FRAS1: variants seen among roughly 807,000 people sequenced by gnomAD.
FRAS1 encodes the protein extracellular matrix organizing protein FRAS1.
Under a neutral mutation model 435.2 loss-of-function variants are expected in FRAS1, and 290 were observed. The observed-to-expected ratio is 0.67, with a 90% CI of 0.61 to 0.73. FRAS1 has a LOEUF of 0.73. Among genes scored for constraint, FRAS1 ranks in the 30% least tolerant of loss-of-function variants. The pLI is 0.00. For synonymous variants in FRAS1, 1,800 were observed against 1,851.0 expected (o/e 0.97, Z 0.71); for missense variants, 4,860 against 5,001.5 (o/e 0.97, Z 0.85).
At position 78,111,752 on chromosome 4, in the gene FRAS1, T is replaced by TA. The variant is rs564909222; in HGVS notation, c.108+45758dup. Among the ~76,000 whole-genome samples the TA allele has an allele frequency of 2.4e-3, 254 of 105,052 alleles. 1 individual carries two copies. The highest frequency in any genetic ancestry group is 5.9e-3 in the African/African-American group (164 of 28,008). 68.9% of individuals were successfully genotyped at this position (105,052 alleles called of 152,430 possible). A position where few individuals can be genotyped will look rare whatever the true frequency, so the allele number is the denominator to read the frequency against. On this transcript the variant is annotated intron_variant, in intron 2 of 73. Transcript: ENST00000512123. ...ATGTACCCTAAAACTTAGAGTATAATAAAAAAAAAAAAAAAAAAAAAAGAT... is the reference window on the plus strand; with the variant it reads ...ATGTACCCTAAAACTTAGAGTATAATAAAAAAAAAAAAAAAAAAAAAAAGAT...
At chr4:78,434,931 A>G (rs755469233) in intron 38 of FRAS1, among the ~76,000 whole-genome samples, 2 of 152,242 alleles carry the variant, frequency 1.3e-5, no homozygotes, top group Non-Finnish European at 2.9e-5. Flanking sequence ...GAGTAGGAAC[A>G]TTTAGTATTG....
intron 43 of FRAS1, 38 bp downstream of exon 43, chr4:78,446,918 G>A: frequency 6.4e-7 from 1 of 1,567,020 alleles, no homozygotes; most frequent in South Asian, 1.2e-5. Context: ...TCTTAATTGA[G>A]ATGCCCGATG....
intron 56 of FRAS1, among the ~76,000 whole-genome samples, chr4:78,481,493 A>G (rs371043702): frequency 3.3e-5 from 5 of 152,268 alleles, no homozygotes; most frequent in African/African-American, 1.2e-4. Context: ...CCTTAAGTGC[A>G]TTGTTCTCCT....
intron 62 of FRAS1, among the ~76,000 whole-genome samples, chr4:78,508,349 T>TA (rs2109881865): frequency 6.6e-6 from 1 of 152,360 alleles, no homozygotes; most frequent in Admixed American, 6.5e-5. Flanking sequence ...TATTTACTCT[T>TA]ATTTTGCCAA....
chr4:78,208,911 T>G (rs1162859347), intron 2 of FRAS1, among the ~76,000 whole-genome samples: 1 of 151,818 alleles, frequency 6.6e-6, no homozygotes, highest in African/African-American at 2.4e-5. Flanking sequence ...CCAAGGTGAG[T>G]GGATCACTTG....
rs535298425 is a variant in FRAS1, at chr4:78,434,461, T to C, written c.5217+1857T>C. On this transcript the variant is annotated intron_variant, in intron 38 of 73. Coordinates refer to ENST00000512123, the MANE Select transcript of FRAS1 (RefSeq NM_025074.7). ...GGCCTCGGTTTTCCCATATGTAATA[T>C]GGGAAGGATAAAATTAATCTTAAAA... Among the ~76,000 whole-genome samples the C allele has an allele frequency of 1.2e-4, 19 of 152,246 alleles. No homozygotes were observed. The South Asian group carries it at 3.5e-3, about 28-fold the overall frequency.
At chr4:78,408,565 C>G (rs1447378515) in intron 31 of FRAS1, among the ~76,000 whole-genome samples, 1 of 152,134 alleles carries the variant, frequency 6.6e-6, no homozygotes, top group Non-Finnish European at 1.5e-5. Flanking sequence ...GGGCCTATAG[C>G]CAAACTCAAC....
chr4:78,281,928 G>C (rs988542190), intron 11 of FRAS1, among the ~76,000 whole-genome samples: 2 of 152,192 alleles, frequency 1.3e-5, no homozygotes, highest in African/African-American at 4.8e-5. Context: ...TAAGGGGTCT[G>C]ATCTCAAGAC....
Position 78,255,331 on chromosome 4 carries a change from G to A in FRAS1, c.559G>A (p.Ala187Thr). The A allele has an allele frequency of 2.5e-6, 4 of 1,582,410 alleles. No homozygotes were observed. Among genetic ancestry groups the A allele is most frequent in the Non-Finnish European group, 3.4e-6 (4 of 1,163,490 alleles). Residue 187 changes from alanine (A) to threonine (T), a missense_variant, in exon 6 of 74, where the codon GCC becomes ACC. Coordinates refer to ENST00000512123, the MANE Select transcript of FRAS1 (RefSeq NM_025074.7). Reference sequence around the variant, plus strand: ...CAAATGTCTGTGTAGAAATGGGGTTGCCCAGTGCTTCACAGCTCAGTGTCA... The same window carrying A: ...CAAATGTCTGTGTAGAAATGGGGTTACCCAGTGCTTCACAGCTCAGTGTCA... ...CAKCLCRNGV[A>T]QCFTAQCQPL...
chr4:78,192,065 T>C (rs190308824), intron 2 of FRAS1, among the ~76,000 whole-genome samples: 40 of 152,300 alleles, frequency 2.6e-4, no homozygotes, highest in African/African-American at 9.6e-4. Flanking sequence ...TTGGTTCTGT[T>C]TATATGCTGG....
At chr4:78,266,811 T>C in intron 7 of FRAS1, 23 bp from the exon 8 acceptor site, 11 of 1,554,242 alleles carry the variant, frequency 7.1e-6, no homozygotes, top group Non-Finnish European at 9.6e-6. Context: ...TTTTCCATGT[T>C]CTTCTTTCCT....
chr4:78,379,803 T>G lies in FRAS1; in HGVS notation c.3370T>G (p.Ser1124Ala). 6.2e-7 allele frequency: 1 copy of G among 1,613,806 alleles called. No individual in the cohort carries two copies. The highest frequency in any genetic ancestry group is 1.1e-5 in the South Asian group (1 of 91,048). The change falls in exon 27 of 74, where the codon TCC becomes GCC. Residue 1124 changes from serine to alanine, a missense_variant. By Grantham distance (99) the Ser-to-Ala change is moderately conservative. Coordinates refer to ENST00000512123, the MANE Select transcript of FRAS1 (RefSeq NM_025074.7). ...TGGTTCAATAAAGCCACTGGATTTT[T>G]CCCTCCTGAATGTCCAAGACCAGGA... ...PIGSIKPLDF[S>A]LLNVQDQEGR...
rs10461145 is a variant in FRAS1, at chr4:78,182,895, A to G, written c.109-54615A>G. Among the ~76,000 whole-genome samples the G allele has an allele frequency of 8.3e-4, 64 of 77,486 alleles. 1 individual carries two copies. Among genetic ancestry groups the G allele is most frequent in the African/African-American group, 2.9e-3 (60 of 20,384 alleles). 50.8% of individuals were successfully genotyped at this position (77,486 alleles called of 152,430 possible). ...ACCCTGTCTCAAAAAAAAGAAAAAAAGAAAAAAAAAAATGCCCAGAGGACA... is the reference window on the plus strand; with the variant it reads ...ACCCTGTCTCAAAAAAAAGAAAAAAGGAAAAAAAAAAATGCCCAGAGGACA... On this transcript the variant is annotated intron_variant, in intron 2 of 73. Coordinates refer to ENST00000512123, the MANE Select transcript of FRAS1 (RefSeq NM_025074.7).
At chr4:78,361,747 G>A (rs1381454128) in intron 20 of FRAS1, among the ~76,000 whole-genome samples, 6 of 152,178 alleles carry the variant, frequency 3.9e-5, no homozygotes, top group South Asian at 2.1e-4. Flanking sequence ...TACTACAAGC[G>A]TTGAGATGAA....
chr4:78,463,432 G>A (rs952471557), intron 47 of FRAS1, among the ~76,000 whole-genome samples: 1 of 152,170 alleles, frequency 6.6e-6, no homozygotes, highest in African/African-American at 2.4e-5. Context: ...CAGGCGGTAA[G>A]TTTTGTTACT....
intron 64 of FRAS1, among the ~76,000 whole-genome samples, chr4:78,511,972 T>A (rs1169187545): frequency 1.3e-5 from 2 of 152,216 alleles, no homozygotes; most frequent in Non-Finnish European, 2.9e-5. Flanking sequence ...ATTATTAGCA[T>A]TCACTCTCTC....
intron 14 of FRAS1, among the ~76,000 whole-genome samples, chr4:78,298,087 T>C (rs1454364212): frequency 6.8e-6 from 1 of 147,164 alleles, no homozygotes; most frequent in Non-Finnish European, 1.5e-5. Flanking sequence ...TATTTTAAGG[T>C]ATATGACATG....
rs1358369604 is a variant in FRAS1, at chr4:78,479,631, G to A, written c.8356G>A (p.Ala2786Thr). The A allele has an allele frequency of 1.9e-6, 3 of 1,613,766 alleles. No individual in the cohort carries two copies. The highest frequency in any genetic ancestry group is 1.7e-5 in the Admixed American group (1 of 60,010). Residue 2786 changes from alanine (A) to threonine (T), a missense_variant, in exon 56 of 74, where the codon GCG becomes ACG. By Grantham distance (58) the Ala-to-Thr change is moderately conservative. Transcript: ENST00000512123. ...TGACAATGCCCGCATTGGAAGGGTGGCGACAGCCAAGGTGCTCATTAGTGG... is the reference window on the plus strand; with the variant it reads ...TGACAATGCCCGCATTGGAAGGGTGACGACAGCCAAGGTGCTCATTAGTGG... Reference protein sequence around the residue: ...ASDNARIGRVATAKVLISGPN... With the variant: ...ASDNARIGRVTTAKVLISGPN...
intron 2 of FRAS1, chr4:78,071,421 T>C (rs1304235752): frequency 2.0e-5 from 3 of 152,160 alleles, no homozygotes; most frequent in Non-Finnish European, 4.4e-5. Context: ...GGAGTAGAAA[T>C]GAGTGAGTTA....
Sources: allele counts gnomAD v4.1 joint callset (sites outside exome capture counted in the v4.1 genomes callset), GRCh38; gene constraint gnomAD v4.1.1; transcripts MANE v1.5; gene names NCBI Gene and HGNC (gene_info 2026-07-23, HGNC 2026-07-21).